MYRF: variants seen among roughly 807,000 people sequenced by gnomAD.
MYRF encodes the protein myelin regulatory factor.
MYRF carries 16 observed loss-of-function variants against 126.3 expected under a neutral mutation model. The ratio of observed to expected loss-of-function variants is 0.13; its 90% CI spans 0.09 to 0.19. The LOEUF (loss-of-function observed/expected upper bound fraction) is 0.19, where lower values mean the gene tolerates loss of function less well. MYRF is among the 10% of genes least tolerant of loss of function. The probability of loss-of-function intolerance (pLI) is 1.00; values close to 1 mark genes in which losing one functional copy is unlikely to be tolerated. For synonymous variants in MYRF, 608 were observed against 635.3 expected, an observed-to-expected ratio of 0.96 and a Z score of 0.65; for missense variants, 1,104 against 1,547.0, an observed-to-expected ratio of 0.71 and a Z score of 4.80.
intron 7 of MYRF, among the ~76,000 whole-genome samples, chr11:61,772,196 G>A (rs1263078685): frequency 6.6e-6 from 1 of 152,150 alleles, no homozygotes; most frequent in Non-Finnish European, 1.5e-5. Context: ...GGGAGAAGTG[G>A]GCAGATGGGT....
intron 21 of MYRF, 82 bp downstream of exon 21, chr11:61,781,411 T>C: frequency 6.4e-7 from 1 of 1,560,960 alleles, no homozygotes; most frequent in South Asian, 1.2e-5. Flanking sequence ...GGTGGGAGGG[T>C]CTCCTGGAGC....
Position 61,778,652 on chromosome 11 carries a change from G to A in MYRF, c.2013+163G>A, listed in dbSNP as rs1021783827. ...CGCCCTCTGCACCCCACAGGGAAGG[G>A]GTGAGTGTTCAAGGAGATGAGTGGG... is the stretch of plus-strand genomic sequence containing the variant. On this transcript the variant is annotated intron_variant, in intron 14 of 26. Transcript: ENST00000278836. The surrounding 1 kb of genome is among the most constrained non-coding windows in gnomAD (Gnocchi z 4.6). 4.6e-5 allele frequency among the ~76,000 whole-genome samples: 7 copies of A among 152,166 alleles called. No individual in the cohort carries two copies. Among genetic ancestry groups the A allele is most frequent in the African/African-American group, 1.7e-4 (7 of 41,434 alleles).
At position 61,771,770 on chromosome 11, in the gene MYRF, T is replaced by C; in HGVS notation, c.991+20T>C. ...CCCCAGGTACATGGCTGGCCAACTCTTCAAGGTGGGGTGTGGGACCCAAGG... is the reference window on the plus strand; with the variant it reads ...CCCCAGGTACATGGCTGGCCAACTCCTCAAGGTGGGGTGTGGGACCCAAGG... On this transcript the variant is annotated intron_variant, in intron 6 of 26. Transcript: ENST00000278836. The C allele has an allele frequency of 6.2e-7, 1 of 1,612,936 alleles. No homozygotes were observed. The highest frequency in any genetic ancestry group is 8.5e-7 in the Non-Finnish European group (1 of 1,179,288).
In MYRF at chr11:61,776,234, T is replaced by A. The variant is rs1416512831; in HGVS notation, c.1389-88T>A. 4 of 1,562,746 alleles carry A rather than the reference T, an allele frequency of 2.6e-6. No individual in the cohort carries two copies. In the South Asian group the frequency reaches 4.5e-5, roughly 18 times the overall value. ...GGAGGTACCCAGGGTGTCCGCCTCA[T>A]GTACGTTGCTGGCCTGGGTGCCCCT... On this transcript the variant is annotated intron_variant, in intron 9 of 26. Coordinates refer to ENST00000278836, the MANE Select transcript of MYRF (RefSeq NM_001127392.3). The surrounding 1 kb of genome is among the most constrained non-coding windows in gnomAD (Gnocchi z 4.3).
At chr11:61,760,061 C>T (rs746259415) in intron 1 of MYRF, among the ~76,000 whole-genome samples, 3 of 151,900 alleles carry the variant, frequency 2.0e-5, no homozygotes, top group South Asian at 2.1e-4. Context: ...CTCCGCCTCC[C>T]GGTTTCAAGT....
intron 17 of MYRF, 127 bp downstream of exon 17, chr11:61,780,057 G>A: frequency 1.7e-6 from 2 of 1,205,862 alleles, no homozygotes; most frequent in Non-Finnish European, 2.4e-6. Flanking sequence ...GGCAGCTGAG[G>A]TCTCGGTGAG....
intron 14 of MYRF, chr11:61,779,015 T>C (rs959867343): frequency 1.5e-6 from 1 of 656,902 alleles, no homozygotes; most frequent in Non-Finnish European, 2.8e-6. Context: ...GGGAGGGCCA[T>C]TCAGGCAGGT....
Position 61,777,486 on chromosome 11 carries a change from C to T in MYRF, c.1791+22C>T, listed in dbSNP as rs756587603. The stretch of plus-strand genomic sequence containing the variant: ...GGAGGTGGGGACAGGGCTGTGGGGG[C>T]CGGGCGGGTCCAGACGCTGGAGCGG... On this transcript the variant is annotated intron_variant, in intron 12 of 26. Transcript: ENST00000278836. The surrounding 1 kb of genome is among the most constrained non-coding windows in gnomAD (Gnocchi z 8.8). The T allele has an allele frequency of 6.3e-7, 1 of 1,575,790 alleles. No homozygotes were observed.
intron 25 of MYRF, 45 bp downstream of exon 25, chr11:61,784,430 TTC>T: frequency 1.3e-6 from 2 of 1,533,248 alleles, no homozygotes; most frequent in South Asian, 1.1e-5. Flanking sequence ...CCCGAGCTGC[TTC>T]TCTCCTGGCA....
chr11:61,780,618 C>A, intron 18 of MYRF, 94 bp from the exon 19 acceptor site: 1 of 1,277,396 alleles, frequency 7.8e-7, no homozygotes, highest in Non-Finnish European at 1.1e-6. Context: ...TGTGAGCCCA[C>A]TGTCACCCCC....
rs2066711355 is a variant in MYRF, at chr11:61,787,076, A to G, written c.*933A>G. 1 of 152,804 alleles carries G rather than the reference A, an allele frequency of 6.5e-6. No homozygotes were observed. The highest frequency in any genetic ancestry group is 2.4e-5 in the African/African-American group (1 of 41,460). 9.5% of individuals were successfully genotyped at this position (152,804 alleles called of 1,614,324 possible). On this transcript the variant is annotated 3_prime_UTR_variant, in exon 27 of 27. Coordinates refer to ENST00000278836, the MANE Select transcript of MYRF (RefSeq NM_001127392.3). ...GCAGAGGAGCAGGAATCCCTCAAGC[A>G]GCAGCCTGGTCTTGGCTGGTGGGCA...
At chr11:61,780,853 C>T in intron 19 of MYRF, 61 bp downstream of exon 19, 1 of 1,569,824 alleles carries the variant, frequency 6.4e-7, no homozygotes, top group Non-Finnish European at 8.6e-7. Flanking sequence ...TGCCTCCCTC[C>T]CCTCCCTCTC....
chr11:61,781,655 C>T lies in MYRF; in HGVS notation c.2847C>T (p.Ser949=). The T allele has an allele frequency of 6.2e-7, 1 of 1,613,818 alleles. No individual in the cohort carries two copies. The highest frequency in any genetic ancestry group is 8.5e-7 in the Non-Finnish European group (1 of 1,180,028). Reference sequence around the variant, plus strand: ...TTTCAGTCAATGGCATTGGCCACTCCAAGCATCACAAGAGTCTGGAGCCTC... The same window carrying T: ...TTTCAGTCAATGGCATTGGCCACTCTAAGCATCACAAGAGTCTGGAGCCTC... The part of the protein sequence containing the change: ...WGLSVNGIGH[S]KHHKSLEPLA... The change falls in exon 22 of 27, where the codon TCC becomes TCT. Residue 949 remains serine (S), a synonymous_variant. Transcript: ENST00000278836.
At chr11:61,755,689 G>C (rs756124535) in intron 1 of MYRF, 1 of 696,886 alleles carries the variant, frequency 1.4e-6, no homozygotes. Context: ...GAAGCTCACT[G>C]CCCAGCCCTG....
intron 3 of MYRF, 186 bp downstream of exon 3, chr11:61,766,407 T>G: frequency 3.4e-6 from 2 of 581,028 alleles, no homozygotes; most frequent in African/African-American, 1.9e-5. Context: ...TGGGCTTTGT[T>G]CTGAGGCAGT....
At chr11:61,755,350 A>G in intron 1 of MYRF, 1 of 1,594,930 alleles carries the variant, frequency 6.3e-7, no homozygotes, top group Non-Finnish European at 8.5e-7. Context: ...CCGCCCGGCT[A>G]ATCCCCTAGA....
At chr11:61,763,499 C>T (rs537504513) in intron 1 of MYRF, among the ~76,000 whole-genome samples, 11 of 152,242 alleles carry the variant, frequency 7.2e-5, no homozygotes, top group Non-Finnish European at 1.5e-4. Flanking sequence ...TCATGGTCAG[C>T]ATTCTGGGCT....
In MYRF at chr11:61,771,811, G is replaced by T. The variant is rs117436832; in HGVS notation, c.992-18G>T. The T allele has an allele frequency of 2.6e-4, 415 of 1,614,008 alleles. No homozygotes were observed. The East Asian group carries it at 8.6e-3, about 33-fold the overall frequency. On this transcript the variant is annotated intron_variant, in intron 6 of 26. Transcript: ENST00000278836. ...GGACCCAAGGTGCAGGGCCCACATGGGCGTTCCCTCCCTCCAGGCCTCCTG... is the reference window on the plus strand; with the variant it reads ...GGACCCAAGGTGCAGGGCCCACATGTGCGTTCCCTCCCTCCAGGCCTCCTG...
rs1487642634 is a variant in MYRF at position 61,788,258 on chromosome 11, A to G, written c.*2115A>G. On this transcript the variant is annotated 3_prime_UTR_variant, in exon 27 of 27. Coordinates refer to ENST00000278836, the MANE Select transcript of MYRF (RefSeq NM_001127392.3). ...ATCTCCCCCTAGCTTCAAGCTGTAC[A>G]TAGGGCCTCCCAGTGCAAATCCTCC... 1 of 152,306 alleles carries G rather than the reference A, an allele frequency of 6.6e-6. No homozygotes were observed. The highest frequency in any genetic ancestry group is 1.5e-5 in the Non-Finnish European group (1 of 68,064). The allele number at this position is 152,306 out of a possible 1,614,324, so 9.4% of individuals were successfully genotyped here.
Sources: allele counts gnomAD v4.1 joint callset (sites outside exome capture counted in the v4.1 genomes callset), GRCh38; gene constraint gnomAD v4.1.1; non-coding constraint Gnocchi (gnomAD v3.1); transcripts MANE v1.5; gene names NCBI Gene and HGNC (gene_info 2026-07-23, HGNC 2026-07-21).